ANO4: variants seen among roughly 807,000 people sequenced by gnomAD.
ANO4 encodes the protein anoctamin-4.
ANO4 carries 69 observed loss-of-function variants against 141.9 expected under a neutral mutation model. The ratio of observed to expected loss-of-function variants is 0.49; its 90% CI spans 0.40 to 0.59. The LOEUF (loss-of-function observed/expected upper bound fraction) is 0.59, where lower values mean the gene tolerates loss of function less well. Ranked by LOEUF, ANO4 falls within the 20% of genes least tolerant of loss-of-function variation. The pLI is 0.00. For synonymous variants in ANO4, 350 were observed against 394.3 expected, an observed-to-expected ratio of 0.89 and a Z score of 1.33; for missense variants, 894 against 1,162.2, an observed-to-expected ratio of 0.77 and a Z score of 3.36.
chr12:100,917,851 G>C (rs889409911), intron 2 of ANO4, among the ~76,000 whole-genome samples: 2 of 152,022 alleles, frequency 1.3e-5, no homozygotes, highest in Non-Finnish European at 2.9e-5. Context: ...GAAGCTGTTT[G>C]GTTTATACAT....
chr12:101,023,595 A>C (rs1227395359), intron 9 of ANO4, among the ~76,000 whole-genome samples: 1 of 152,196 alleles, frequency 6.6e-6, no homozygotes, highest in African/African-American at 2.4e-5. Flanking sequence ...TACTTCTGGG[A>C]GGTCAAGGCG....
At chr12:101,062,635 G>A (rs1459177947) in intron 14 of ANO4, among the ~76,000 whole-genome samples, 1 of 152,224 alleles carries the variant, frequency 6.6e-6, no homozygotes, top group Non-Finnish European at 1.5e-5. Flanking sequence ...TTGCCAAGCT[G>A]CAGTGGGCTC....
intron 5 of ANO4, among the ~76,000 whole-genome samples, chr12:100,948,603 TA>T (rs1388633065): frequency 6.6e-6 from 1 of 152,168 alleles, no homozygotes; most frequent in African/African-American, 2.4e-5. Context: ...AATGATTATT[TA>T]AAAAAGGGAG....
intron 1 of ANO4, among the ~76,000 whole-genome samples, chr12:100,801,618 G>A (rs1593364919): frequency 1.3e-5 from 2 of 151,820 alleles, no homozygotes; most frequent in Admixed American, 1.3e-4. Context: ...AGAGACTGTA[G>A]TCAGCTGTAT....
chr12:100,764,160 T>G (rs1279561467), intron 3 of ANO4, among the ~76,000 whole-genome samples: 1 of 152,212 alleles, frequency 6.6e-6, no homozygotes, highest in Non-Finnish European at 1.5e-5. Flanking sequence ...GCAATTTCAT[T>G]ACATTAATAA....
chr12:101,085,702 T>C (rs907905456), intron 16 of ANO4, among the ~76,000 whole-genome samples: 3 of 152,156 alleles, frequency 2.0e-5, no homozygotes, highest in African/African-American at 7.2e-5. Context: ...TGCCATGAAA[T>C]CTTCAGGGAA....
chr12:100,719,924 G>A (rs1296961169), intron 1 of ANO4, among the ~76,000 whole-genome samples: 1 of 152,162 alleles, frequency 6.6e-6, no homozygotes, highest in Non-Finnish European at 1.5e-5. Context: ...AGGGTAATCA[G>A]TAACTGTAAT....
intron 14 of ANO4, among the ~76,000 whole-genome samples, chr12:101,054,976 T>C (rs1283756945): frequency 1.3e-5 from 2 of 152,252 alleles, no homozygotes; most frequent in Non-Finnish European, 2.9e-5. Flanking sequence ...GATTCATTTA[T>C]GCTGTTGCCT....
chr12:100,915,883 A>G (rs971322685), intron 2 of ANO4, among the ~76,000 whole-genome samples: 2 of 152,164 alleles, frequency 1.3e-5, no homozygotes, highest in Non-Finnish European at 2.9e-5. Context: ...TCCTTTTTCA[A>G]TCACTTGTGT....
At chr12:101,031,493 C>A (rs974981609) in intron 9 of ANO4, among the ~76,000 whole-genome samples, 14 of 152,130 alleles carry the variant, frequency 9.2e-5, no homozygotes, top group Non-Finnish European at 1.6e-4. Context: ...TGGGCAAAAG[C>A]TGGAAACATT....
chr12:100,850,382 T>TG, intron 1 of ANO4, among the ~76,000 whole-genome samples: 1 of 152,314 alleles, frequency 6.6e-6, no homozygotes, highest in East Asian at 1.9e-4. Flanking sequence ...TCCATTTTGT[T>TG]GAAGGATCAT....
At chr12:100,989,722 G>A (rs1490560315) in intron 8 of ANO4, among the ~76,000 whole-genome samples, 3 of 126,350 alleles carry the variant, frequency 2.4e-5, no homozygotes, top group South Asian at 2.5e-4. Context: ...TCACCAGATG[G>A]ATGGATGGGT....
intron 2 of ANO4, among the ~76,000 whole-genome samples, chr12:100,911,280 G>A (rs1420031776): frequency 3.3e-5 from 5 of 152,136 alleles, no homozygotes; most frequent in Non-Finnish European, 7.4e-5. Flanking sequence ...AAATGGTGAA[G>A]GCAAGATTCT....
intron 13 of ANO4, among the ~76,000 whole-genome samples, chr12:101,046,069 A>T (rs2047618666): frequency 6.6e-6 from 1 of 152,256 alleles, no homozygotes; most frequent in Non-Finnish European, 1.5e-5. Flanking sequence ...TGTCAGTCCT[A>T]GTGAGTTACA....
intron 9 of ANO4, among the ~76,000 whole-genome samples, chr12:101,032,041 C>T (rs2136559271): frequency 6.6e-6 from 1 of 152,312 alleles, no homozygotes; most frequent in Non-Finnish European, 1.5e-5. Flanking sequence ...CTATTCCCAT[C>T]AAACTACCAT....
intron 15 of ANO4, among the ~76,000 whole-genome samples, chr12:101,083,095 G>C (rs1275091836): frequency 6.6e-6 from 1 of 152,092 alleles, no homozygotes; most frequent in Non-Finnish European, 1.5e-5. Flanking sequence ...TAAGAATTAA[G>C]AATATACCTA....
At chr12:101,027,355 G>A (rs575736815) in intron 9 of ANO4, among the ~76,000 whole-genome samples, 1 of 152,286 alleles carries the variant, frequency 6.6e-6, no homozygotes, top group African/African-American at 2.4e-5. Context: ...TGCGGGGAGG[G>A]GTGACCAGTG....
At chr12:100,817,011 G>A (rs1850240864) in intron 1 of ANO4, among the ~76,000 whole-genome samples, 1 of 151,664 alleles carries the variant, frequency 6.6e-6, no homozygotes, top group Non-Finnish European at 1.5e-5. Flanking sequence ...TATTTATCTT[G>A]TGGGGAATGA....
At chr12:100,740,712 A>G (rs1006120246) in intron 3 of ANO4, among the ~76,000 whole-genome samples, 2 of 152,222 alleles carry the variant, frequency 1.3e-5, no homozygotes, top group Non-Finnish European at 2.9e-5. Context: ...GTTTTTGTAC[A>G]GCCCGAGAAC....
Sources: gnomAD v4.1 joint callset for allele counts (sites outside exome capture counted in the v4.1 genomes callset) on GRCh38, gnomAD v4.1.1 for gene constraint, MANE v1.5 for transcripts, NCBI Gene and HGNC (gene_info 2026-07-23, HGNC 2026-07-21) for gene names.